Variants in DDX10 observed in about 807,000 individuals in gnomAD.
The protein encoded by DDX10 is probable ATP-dependent RNA helicase DDX10.
A neutral mutation model predicts 104.3 loss-of-function variants in DDX10; 74 were observed. The ratio of observed to expected loss-of-function variants is 0.71; its 90% CI spans 0.59 to 0.86. The LOEUF (loss-of-function observed/expected upper bound fraction) is 0.86, where lower values mean the gene tolerates loss of function less well. Ranked by LOEUF, DDX10 falls within the 40% of genes least tolerant of loss-of-function variation. The pLI is 0.00. For missense variants in DDX10, 952 were observed against 1,040.0 expected (o/e 0.92, Z 1.16); for synonymous variants, 351 against 353.4 (o/e 0.99, Z 0.08).
chr11:108,745,040 TTCCCCCTTCCCCC>T (rs2094329659), intron 13 of DDX10, among the ~76,000 whole-genome samples: 1 of 25,918 alleles, frequency 3.9e-5, no homozygotes, highest in Non-Finnish European at 1.3e-4. Context: ...TACTTTTTCC[TTCCCCCTTCCCCC>T]TTCCCCCTTC....
At chr11:108,860,038 T>C (rs755696422) in intron 16 of DDX10, among the ~76,000 whole-genome samples, 124 of 152,210 alleles carry the variant, frequency 8.1e-4, no homozygotes, top group Non-Finnish European at 1.4e-3. Context: ...TCTTCTTGTT[T>C]TGTTTCATAA....
chr11:108,806,734 T>C (rs1862106815), intron 13 of DDX10, among the ~76,000 whole-genome samples: 1 of 152,084 alleles, frequency 6.6e-6, no homozygotes, highest in African/African-American at 2.4e-5. Flanking sequence ...AGGAACCAGC[T>C]GAAGACTAGG....
Position 108,692,057 on chromosome 11 carries a change from A to T in DDX10, c.1138+19A>T. 4 of 1,574,186 alleles carry T rather than the reference A, an allele frequency of 2.5e-6. No homozygotes were observed. Among genetic ancestry groups the T allele is most frequent in the Non-Finnish European group, 8.6e-7 (1 of 1,158,490 alleles). ...GGTCTGGGTAAGAAAACTTCCTATC[A>T]TGAAATTTCTGTGATTGTGTGAAAT... is the stretch of plus-strand genomic sequence containing the variant. On this transcript the variant is annotated intron_variant, in intron 8 of 17. Coordinates refer to ENST00000322536, the MANE Select transcript of DDX10 (RefSeq NM_004398.4).
chr11:108,862,130 C>T (rs1318613650), intron 16 of DDX10, among the ~76,000 whole-genome samples: 3 of 152,120 alleles, frequency 2.0e-5, no homozygotes, highest in South Asian at 4.1e-4. Context: ...GCAGTCCTCC[C>T]GCCTTAGCCT....
intron 13 of DDX10, among the ~76,000 whole-genome samples, chr11:108,812,587 TTA>T (rs1284667624): frequency 6.6e-6 from 1 of 152,196 alleles, no homozygotes; most frequent in Admixed American, 6.5e-5. Flanking sequence ...CTTTATCAAC[TTA>T]TGCATGTTCT....
chr11:108,691,868 T>C lies in DDX10; in HGVS notation c.976-8T>C. ...ATAAGCAAACTTATTCTTCTGTTGATGCCCCAGGTCCAGTATCTGTACCGA... is the reference window on the plus strand; with the variant it reads ...ATAAGCAAACTTATTCTTCTGTTGACGCCCCAGGTCCAGTATCTGTACCGA... On this transcript the variant is annotated splice_region_variant and splice_polypyrimidine_tract_variant and intron_variant, in intron 7 of 17. Transcript: ENST00000322536. 1.2e-6 allele frequency: 2 copies of C among 1,608,930 alleles called. No individual in the cohort carries two copies. Among genetic ancestry groups the C allele is most frequent in the Non-Finnish European group, 1.7e-6 (2 of 1,177,954 alleles).
intron 13 of DDX10, among the ~76,000 whole-genome samples, chr11:108,793,337 T>C (rs1861896317): frequency 6.6e-6 from 1 of 152,208 alleles, no homozygotes; most frequent in Admixed American, 6.5e-5. Flanking sequence ...TGAGACCAGA[T>C]GCAAATCAGC....
intron 6 of DDX10, among the ~76,000 whole-genome samples, chr11:108,687,978 A>G (rs1001134900): frequency 3.9e-4 from 59 of 152,328 alleles, no homozygotes; most frequent in African/African-American, 1.4e-3. Context: ...TATCTGTACT[A>G]TTCTGCCCCT....
At chr11:108,678,181 G>C (rs1464463839) in intron 4 of DDX10, 134 bp from the exon 5 acceptor site, 1 of 876,934 alleles carries the variant, frequency 1.1e-6, no homozygotes, top group African/African-American at 1.7e-5. Flanking sequence ...AAATACAAGG[G>C]AAAAGTTATG....
chr11:108,798,214 C>T (rs1264221974), intron 13 of DDX10, among the ~76,000 whole-genome samples: 1 of 152,160 alleles, frequency 6.6e-6, no homozygotes, highest in African/African-American at 2.4e-5. Context: ...GTTTTATCTT[C>T]TTGGGGCATG....
intron 13 of DDX10, among the ~76,000 whole-genome samples, chr11:108,781,414 G>A (rs1377739160): frequency 6.6e-6 from 1 of 152,086 alleles, no homozygotes; most frequent in Non-Finnish European, 1.5e-5. Context: ...TTTCCTCTGG[G>A]TATGAACCCA....
chr11:108,919,984 C>T (rs1863802062), intron 17 of DDX10: 1 of 151,672 alleles, frequency 6.6e-6, no homozygotes, highest in Non-Finnish European at 1.5e-5. Context: ...CACTTAACTG[C>T]TCTAGCCTCA....
chr11:108,872,456 AG>A (rs1863095607), intron 16 of DDX10, among the ~76,000 whole-genome samples: 2 of 152,302 alleles, frequency 1.3e-5, no homozygotes, highest in Middle Eastern at 3.4e-3. Context: ...AAGTTTGTGT[AG>A]GGGGGTGGAA....
intron 2 of DDX10, 75 bp from the exon 3 acceptor site, chr11:108,675,521 G>A (rs942530495): frequency 4.6e-6 from 7 of 1,516,442 alleles, no homozygotes; most frequent in Non-Finnish European, 5.3e-6. Flanking sequence ...AATTTTGGGG[G>A]ACACAACTCA....
intron 13 of DDX10, among the ~76,000 whole-genome samples, chr11:108,816,854 A>C (rs969918514): frequency 6.6e-6 from 1 of 152,090 alleles, no homozygotes; most frequent in Non-Finnish European, 1.5e-5. Flanking sequence ...ACACCCGGCC[A>C]ATAAAATAAC....
intron 16 of DDX10, among the ~76,000 whole-genome samples, chr11:108,906,793 CTG>C (rs1233457152): frequency 1.3e-5 from 2 of 152,104 alleles, no homozygotes; most frequent in African/African-American, 4.8e-5. Flanking sequence ...CTGTTGGGCT[CTG>C]TGAAATATTC....
chr11:108,901,706 C>T (rs932479634), intron 16 of DDX10, among the ~76,000 whole-genome samples: 1 of 152,118 alleles, frequency 6.6e-6, no homozygotes, highest in Non-Finnish European at 1.5e-5. Context: ...CTCTGTGGCT[C>T]TTTTCAGAAT....
chr11:108,863,272 A>G (rs1862964016), intron 16 of DDX10, among the ~76,000 whole-genome samples: 2 of 152,178 alleles, frequency 1.3e-5, no homozygotes, highest in South Asian at 4.1e-4. Flanking sequence ...GAGGAAATAA[A>G]TCTTTTATGA....
At chr11:108,723,859 A>G (rs2094301941) in intron 13 of DDX10, among the ~76,000 whole-genome samples, 1 of 152,160 alleles carries the variant, frequency 6.6e-6, no homozygotes, top group Non-Finnish European at 1.5e-5. Flanking sequence ...ATTTAAATAT[A>G]AGTTTTACTC....
Sources: allele counts gnomAD v4.1 joint callset (sites outside exome capture counted in the v4.1 genomes callset), GRCh38; gene constraint gnomAD v4.1.1; transcripts MANE v1.5; gene names NCBI Gene and HGNC (gene_info 2026-07-23, HGNC 2026-07-21).